Variants in ST7 observed in about 807,000 individuals in gnomAD.
ST7 encodes the protein suppression of tumorigenicity 7.
In ST7, 28 loss-of-function variants were observed where a neutral mutation model predicts 78.7. The observed-to-expected ratio is 0.36, with a 90% confidence interval of 0.26 to 0.49. The LOEUF is 0.49. Among genes scored for constraint, ST7 ranks in the 20% least tolerant of loss-of-function variants. The pLI is 0.99. For synonymous variants in ST7, 247 were observed against 249.6 expected (o/e 0.99, Z 0.10); for missense variants, 418 against 696.0 (o/e 0.60, Z 4.49).
At chr7:116,984,570 A>G (rs569890184) in intron 1 of ST7, among the ~76,000 whole-genome samples, 1 of 152,264 alleles carries the variant, frequency 6.6e-6, no homozygotes, top group East Asian at 1.9e-4. Context: ...GGGGTAGATG[A>G]GGAGATGACT....
intron 1 of ST7, among the ~76,000 whole-genome samples, chr7:117,083,502 G>A (rs1250778784): frequency 6.6e-6 from 1 of 151,938 alleles, no homozygotes; most frequent in East Asian, 1.9e-4. Context: ...CTGGTAATCT[G>A]CCCACCTCAG....
intron 2 of ST7, among the ~76,000 whole-genome samples, chr7:117,100,063 G>A (rs542492761): frequency 1.2e-4 from 18 of 152,154 alleles, no homozygotes; most frequent in African/African-American, 4.3e-4. Flanking sequence ...ATATTACTTT[G>A]TTGAAGGGGA....
intron 1 of ST7, among the ~76,000 whole-genome samples, chr7:116,998,465 A>G (rs1227270194): frequency 6.6e-6 from 1 of 152,202 alleles, no homozygotes; most frequent in East Asian, 1.9e-4. Context: ...GGCGGGCTGA[A>G]GGGCCCCTCA....
At chr7:116,995,180 G>A (rs1794597551) in intron 1 of ST7, among the ~76,000 whole-genome samples, 1 of 152,102 alleles carries the variant, frequency 6.6e-6, no homozygotes, top group Admixed American at 6.5e-5. Context: ...ACAAAATCTA[G>A]TACATAGATG....
At chr7:117,167,567 A>G (rs1317927283) in intron 9 of ST7, among the ~76,000 whole-genome samples, 1 of 152,056 alleles carries the variant, frequency 6.6e-6, no homozygotes, top group African/African-American at 2.4e-5. Flanking sequence ...ACAGTTGGCA[A>G]GAGCAGGATG....
intron 1 of ST7, among the ~76,000 whole-genome samples, chr7:117,015,856 A>T (rs1018420284): frequency 4.6e-5 from 7 of 151,952 alleles, no homozygotes; most frequent in Non-Finnish European, 1.0e-4. Context: ...GAATTGGAAA[A>T]TTTTTTTTCT....
At chr7:117,224,333 T>C (rs1484894005) in intron 15 of ST7, among the ~76,000 whole-genome samples, 1 of 152,100 alleles carries the variant, frequency 6.6e-6, no homozygotes, top group African/African-American at 2.4e-5. Flanking sequence ...TTTCCTTAAG[T>C]CTTCTGTGCA....
At chr7:117,002,183 G>A (rs1794962668) in intron 1 of ST7, among the ~76,000 whole-genome samples, 2 of 152,074 alleles carry the variant, frequency 1.3e-5, no homozygotes, top group Non-Finnish European at 2.9e-5. Context: ...AGCCGAGGTC[G>A]CGCCACTGTA....
rs575437259 is a variant in ST7 at position 117,172,577 on chromosome 7, T to C, written c.1078+1601T>C. Among the ~76,000 whole-genome samples, 3 of 152,356 alleles carry C rather than the reference T, an allele frequency of 2.0e-5. No individual in the cohort carries two copies. The East Asian group carries it at 5.8e-4, about 29-fold the overall frequency. ...TTCATGTCAGCTCACTTGTATTCTCTATTTATATGCTAAAATCTTACTCAT... is the reference window on the plus strand; with the variant it reads ...TTCATGTCAGCTCACTTGTATTCTCCATTTATATGCTAAAATCTTACTCAT... On this transcript the variant is annotated intron_variant, in intron 10 of 15. Transcript: ENST00000323984.
chr7:117,107,842 T>A (rs928457985), intron 2 of ST7, among the ~76,000 whole-genome samples: 2 of 152,032 alleles, frequency 1.3e-5, no homozygotes, highest in Non-Finnish European at 2.9e-5. Context: ...GGCCAACTTC[T>A]GACCTCAGGT....
intron 10 of ST7, among the ~76,000 whole-genome samples, chr7:117,185,435 A>G (rs962776419): frequency 1.3e-5 from 2 of 152,246 alleles, no homozygotes; most frequent in South Asian, 4.1e-4. Flanking sequence ...TTGGAAATAC[A>G]GATAAACAGT....
intron 2 of ST7, among the ~76,000 whole-genome samples, chr7:117,100,778 A>G (rs979093065): frequency 6.6e-6 from 1 of 152,166 alleles, no homozygotes; most frequent in Admixed American, 6.5e-5. Context: ...GTGGCCTCAA[A>G]TGGGGACCAT....
chr7:116,985,655 G>T (rs1407304140), intron 1 of ST7, among the ~76,000 whole-genome samples: 4 of 152,186 alleles, frequency 2.6e-5, no homozygotes, highest in East Asian at 3.8e-4. Context: ...TTTGACTGAG[G>T]TTAGCTGGTA....
intron 1 of ST7, among the ~76,000 whole-genome samples, chr7:117,011,648 T>C (rs1166807512): frequency 6.6e-6 from 1 of 152,174 alleles, no homozygotes; most frequent in Non-Finnish European, 1.5e-5. Flanking sequence ...GTAGCAGGAC[T>C]CTGGGATGGG....
chr7:117,229,694 G>C, intron 15 of ST7, 68 bp from the exon 16 acceptor site: 1 of 1,277,490 alleles, frequency 7.8e-7, no homozygotes, highest in Non-Finnish European at 1.1e-6. Context: ...AGCGTGGGTG[G>C]AGAGGTTTGT....
intron 1 of ST7, among the ~76,000 whole-genome samples, chr7:117,079,389 A>C (rs1799586166): frequency 6.6e-6 from 1 of 152,212 alleles, no homozygotes; most frequent in African/African-American, 2.4e-5. Context: ...CTATAATTTC[A>C]TACAGGATTT....
intron 1 of ST7, among the ~76,000 whole-genome samples, chr7:117,034,571 T>C (rs1188082696): frequency 6.6e-6 from 1 of 152,240 alleles, no homozygotes; most frequent in African/African-American, 2.4e-5. Context: ...TGAATGGAAT[T>C]TATACCCTTG....
chr7:117,210,554 C>T (rs550221446), intron 13 of ST7, among the ~76,000 whole-genome samples: 91 of 152,264 alleles, frequency 6.0e-4, no homozygotes, highest in African/African-American at 2.1e-3. Flanking sequence ...GGGAGACATG[C>T]TCCCTGCATG....
intron 15 of ST7, chr7:117,223,735 G>A (rs12532165): frequency 0.072 from 10,975 of 153,324 alleles, 883 homozygotes; most frequent in East Asian, 0.38. Flanking sequence ...CCATGAATAC[G>A]TATATTCTCA....
Sources: allele counts gnomAD v4.1 joint callset (sites outside exome capture counted in the v4.1 genomes callset), GRCh38; gene constraint gnomAD v4.1.1; transcripts MANE v1.5; gene names NCBI Gene and HGNC (gene_info 2026-07-23, HGNC 2026-07-21).